MAST3: variants seen among roughly 807,000 people sequenced by gnomAD.
MAST3 encodes the protein microtubule-associated serine/threonine-protein kinase 3.
MAST3 carries 43 observed loss-of-function variants against 127.0 expected under a neutral mutation model. The observed-to-expected ratio is 0.34, with a 90% CI of 0.27 to 0.44. The LOEUF (loss-of-function observed/expected upper bound fraction) is 0.44. Ranked by LOEUF, MAST3 falls within the 20% of genes least tolerant of loss-of-function variation. The probability of loss-of-function intolerance (pLI) is 1.00; values close to 1 mark genes in which losing one functional copy is unlikely to be tolerated. For missense variants in MAST3, 1,390 were observed against 1,919.1 expected (o/e 0.72, Z 5.15); for synonymous variants, 785 against 809.2 (o/e 0.97, Z 0.51).
At chr19:18,114,435 C>T (rs2038997908) in intron 3 of MAST3, among the ~76,000 whole-genome samples, 1 of 152,160 alleles carries the variant, frequency 6.6e-6, no homozygotes, top group East Asian at 1.9e-4. Flanking sequence ...GCGATCTGCC[C>T]ATCTCAGCCT....
intron 12 of MAST3, 107 bp downstream of exon 12, chr19:18,128,565 T>A: frequency 8.5e-7 from 1 of 1,181,210 alleles, no homozygotes; most frequent in Non-Finnish European, 1.2e-6. Context: ...GTAGCTTAAT[T>A]AGCATCGGTG....
In MAST3 at chr19:18,144,356, C is replaced by A; in HGVS notation, c.2585-110C>A. The A allele has an allele frequency of 3.1e-6, 3 of 955,448 alleles. No homozygotes were observed. The highest frequency in any genetic ancestry group is 3.2e-6 in the Non-Finnish European group (2 of 633,830). The allele number at this position is 955,448 out of a possible 1,614,324, so 59.2% of individuals were successfully genotyped here. On this transcript the variant is annotated intron_variant, in intron 22 of 27. Coordinates refer to ENST00000687212, the MANE Select transcript of MAST3 (RefSeq NM_001393504.1). The surrounding 1 kb of genome is among the most constrained non-coding windows in gnomAD (Gnocchi z 4.0). ...GAAGAGGGAACTGCATGAGCAAAGG[C>A]CAGGAGGCTGGACTGTGTAAATAGT...
chr19:18,147,336 T>C, intron 26 of MAST3, 107 bp from the exon 27 acceptor site: 1 of 1,012,324 alleles, frequency 9.9e-7, no homozygotes, highest in East Asian at 2.6e-5. Flanking sequence ...CTCCTGACCT[T>C]AAATGATCCA....
Position 18,128,465 on chromosome 19 carries a change from A to G in MAST3, c.1137+7A>G. 6.4e-7 allele frequency: 1 copy of G among 1,553,326 alleles called. No individual in the cohort carries two copies. The highest frequency in any genetic ancestry group is 2.4e-5 in the East Asian group (1 of 41,058). ...AGCACCTGAGTCCCCAGAGGTGAGT[A>G]GCAGAGGCTGGGGGACCCCCGCTCA... On this transcript the variant is annotated splice_region_variant and intron_variant, in intron 12 of 27. Transcript: ENST00000687212.
In MAST3 at chr19:18,151,168, A is replaced by G. The variant is rs1470972871; in HGVS notation, c.*1442A>G. ...CAGCTTCACTGTGTGGCTCTGGGAAAATGGCTTTCCCACTCTGTGCCTCAG... is the reference window on the plus strand; with the variant it reads ...CAGCTTCACTGTGTGGCTCTGGGAAGATGGCTTTCCCACTCTGTGCCTCAG... On this transcript the variant is annotated 3_prime_UTR_variant, in exon 28 of 28. Transcript: ENST00000687212. The G allele has an allele frequency of 1.3e-5, 2 of 152,246 alleles. No homozygotes were observed. Among genetic ancestry groups the G allele is most frequent in the Non-Finnish European group, 2.9e-5 (2 of 68,058 alleles). 9.4% of individuals were successfully genotyped at this position (152,246 alleles called of 1,614,324 possible).
In MAST3 at chr19:18,104,436, T is replaced by C. The variant is rs910430380; in HGVS notation, c.40-3151T>C. On this transcript the variant is annotated intron_variant, in intron 1 of 27. Coordinates refer to ENST00000687212, the MANE Select transcript of MAST3 (RefSeq NM_001393504.1). ...AGAGCAGCTGAAGTCAGGCCTGGGG[T>C]AACGCCACACCCCCGCGACCCTTCC... Among the ~76,000 whole-genome samples, 9 of 151,536 alleles carry C rather than the reference T, an allele frequency of 5.9e-5. No individual in the cohort carries two copies. The East Asian group carries it at 1.8e-3, about 30-fold the overall frequency.
chr19:18,123,598 G>T lies in MAST3; in HGVS notation c.576G>T (p.Gly192=). The T allele has an allele frequency of 6.3e-7, 1 of 1,591,006 alleles. No individual in the cohort carries two copies. The change falls in exon 8 of 28, where the codon GGG becomes GGT. Residue 192 remains glycine (G), a synonymous_variant. Transcript: ENST00000687212. ...CTTTCAGCCCGGGCCGTGCAACGGG[G>T]ACCTTCGACAATGAGATTGTCATGA... ...SRSLSPGRAT[G]TFDNEIVMMN... is the part of the protein sequence containing the mutation.
chr19:18,116,090 C>CTTTTTTTTTTTTTTTTTTTTTTTTTT lies in MAST3; in HGVS notation c.161+5370_161+5371insTTTTTTTTTTTTTTTTTTTTTTTTTT, dbSNP rs3048876. On this transcript the variant is annotated intron_variant, in intron 3 of 27. Coordinates refer to ENST00000687212, the MANE Select transcript of MAST3 (RefSeq NM_001393504.1). ...TCTCAGCCTTGGTATTTGAAATTAT[C>CTTTTTTTTTTTTTTTTTTTTTTTTTT]TTTTTTTTTTTTTTTTTTTTTGAGA... Among the ~76,000 whole-genome samples, 27 of 86,350 alleles carry CTTTTTTTTTTTTTTTTTTTTTTTTTT rather than the reference C, an allele frequency of 3.1e-4. 2 individuals carry two copies. Among genetic ancestry groups the CTTTTTTTTTTTTTTTTTTTTTTTTTT allele is most frequent in the African/African-American group, 1.5e-3 (27 of 18,378 alleles). 56.6% of individuals were successfully genotyped at this position (86,350 alleles called of 152,430 possible).
chr19:18,110,500 T>C lies in MAST3; in HGVS notation c.72-152T>C. The C allele has an allele frequency of 1.1e-6, 1 of 907,254 alleles. No homozygotes were observed. Among genetic ancestry groups the C allele is most frequent in the Non-Finnish European group, 1.3e-6 (1 of 758,132 alleles). The allele number at this position is 907,254 out of a possible 1,614,324, so 56.2% of individuals were successfully genotyped here. On this transcript the variant is annotated intron_variant, in intron 2 of 27. Coordinates refer to ENST00000687212, the MANE Select transcript of MAST3 (RefSeq NM_001393504.1). The surrounding 1 kb of genome is among the most constrained non-coding windows in gnomAD (Gnocchi z 4.3). Reference sequence around the variant, plus strand: ...GGGGAGCCCTCCCGGGCCATCGGTCTGGCCCCGCCCTCACGTCCTGAGCTG... The same window carrying C: ...GGGGAGCCCTCCCGGGCCATCGGTCCGGCCCCGCCCTCACGTCCTGAGCTG...
Position 18,131,985 on chromosome 19 carries a change from G to C in MAST3, c.1509G>C (p.Thr503=). ...VDMARLYFAE[T]VLALEYLHNY... is the part of the protein sequence containing the mutation. ...TGGCCCGCCTGTACTTCGCCGAGACGGTGTTGGCGCTGGAGTACCTGCATA... is the reference window on the plus strand; with the variant it reads ...TGGCCCGCCTGTACTTCGCCGAGACCGTGTTGGCGCTGGAGTACCTGCATA... The change falls in exon 15 of 28, where the codon ACG becomes ACC. Residue 503 remains threonine (T), a synonymous_variant. Coordinates refer to ENST00000687212, the MANE Select transcript of MAST3 (RefSeq NM_001393504.1). 1 of 1,614,160 alleles carries C rather than the reference G, an allele frequency of 6.2e-7. No homozygotes were observed. Among genetic ancestry groups the C allele is most frequent in the Non-Finnish European group, 8.5e-7 (1 of 1,180,030 alleles).
chr19:18,130,024 A>G (rs1438604131), intron 13 of MAST3, among the ~76,000 whole-genome samples: 3 of 151,606 alleles, frequency 2.0e-5, no homozygotes, highest in African/African-American at 7.3e-5. Context: ...CCGAAGTGGG[A>G]GGGTCACTTG....
At chr19:18,126,483 C>A (rs923168071) in intron 11 of MAST3, among the ~76,000 whole-genome samples, 2 of 152,150 alleles carry the variant, frequency 1.3e-5, no homozygotes, top group African/African-American at 4.8e-5. Flanking sequence ...CCATTGAAAG[C>A]TGGGGAGGCC....
Position 18,146,933 on chromosome 19 carries a change from A to T in MAST3, c.3215A>T (p.Lys1072Met). 6.4e-7 allele frequency: 1 copy of T among 1,558,694 alleles called. No homozygotes were observed. The highest frequency in any genetic ancestry group is 8.7e-7 in the Non-Finnish European group (1 of 1,151,086). Residue 1072 changes from lysine to methionine, a missense_variant, in exon 26 of 28, where the codon AAG becomes ATG. Lys to Met is a moderately conservative substitution (Grantham distance 95). Around this residue, in one of 5 missense-constraint regions of MAST3, gnomAD observed 816 missense variants for 934.1 expected, o/e 0.87. Coordinates refer to ENST00000687212, the MANE Select transcript of MAST3 (RefSeq NM_001393504.1). Reference protein sequence around the residue: ...RTTALENTSIKVGPARKNVAK... With the variant: ...RTTALENTSIMVGPARKNVAK... ...ACAGCCCTGGAGAACACCTCCATCAAGGTGGGCCCCGCCCGGAAGAATGTG... is the reference window on the plus strand; with the variant it reads ...ACAGCCCTGGAGAACACCTCCATCATGGTGGGCCCCGCCCGGAAGAATGTG...
At chr19:18,140,314 G>A (rs2042327801) in intron 20 of MAST3, among the ~76,000 whole-genome samples, 1 of 151,874 alleles carries the variant, frequency 6.6e-6, no homozygotes, top group South Asian at 2.1e-4. Flanking sequence ...CAGAGGTGGA[G>A]GCTGCAGTAA....
chr19:18,144,549 G>A lies in MAST3; in HGVS notation c.2668G>A (p.Gly890Ser), dbSNP rs8108738. 848,919 of 1,609,598 alleles carry A rather than the reference G, an allele frequency of 0.53. 227,209 individuals are homozygous for A. The highest frequency in any genetic ancestry group is 0.7 in the East Asian group (31,355 of 44,838). The change falls in exon 23 of 28, where the codon GGC (glycine) becomes AGC (serine). Residue 890 changes from glycine to serine, a missense_variant. Gly to Ser is a moderately conservative substitution (Grantham distance 56, BLOSUM62 0). Transcript: ENST00000687212. The surrounding 1 kb of genome is among the most constrained non-coding windows in gnomAD (Gnocchi z 4.0). ...RHSTPRPLDA[G>S]RGRRLGGPRD... ...CTCCACACCAAGGCCTCTGGATGCC[G>A]GCCGGGGCCGCCGCCTTGGGGGCCC...
chr19:18,131,542 T>C (rs1306766995), intron 14 of MAST3, among the ~76,000 whole-genome samples: 2 of 136,536 alleles, frequency 1.5e-5, no homozygotes, highest in Non-Finnish European at 3.2e-5. Flanking sequence ...CTACTAAGAA[T>C]ACAAAAATTA....
intron 20 of MAST3, among the ~76,000 whole-genome samples, chr19:18,139,356 G>A (rs513118): frequency 0.94 from 142,338 of 152,120 alleles, 66,618 homozygotes; most frequent in East Asian, 0.96. Context: ...ATGGAGTCTC[G>A]CTCTGTTGCC....
At chr19:18,108,313 A>G (rs1028172792) in intron 2 of MAST3, among the ~76,000 whole-genome samples, 4 of 150,508 alleles carry the variant, frequency 2.7e-5, no homozygotes, top group Non-Finnish European at 5.9e-5. Context: ...GAAAAAAATC[A>G]TCTCTCTCGG....
intron 3 of MAST3, among the ~76,000 whole-genome samples, chr19:18,111,378 C>T (rs924535487): frequency 3.9e-5 from 6 of 152,004 alleles, no homozygotes; most frequent in African/African-American, 1.2e-4. Flanking sequence ...GGCCAGGTTT[C>T]AGGACAGGAA....
Sources: allele counts gnomAD v4.1 joint callset (sites outside exome capture counted in the v4.1 genomes callset), GRCh38; gene constraint gnomAD v4.1.1; regional missense constraint gnomAD v4.1.1; non-coding constraint Gnocchi (gnomAD v3.1); transcripts MANE v1.5; gene names NCBI Gene and HGNC (gene_info 2026-07-23, HGNC 2026-07-21).